ZCCHC14: variants seen among roughly 807,000 people sequenced by gnomAD.
The protein encoded by ZCCHC14 is zinc finger CCHC-type containing 14.
ZCCHC14 carries 16 observed loss-of-function variants against 85.0 expected under a neutral mutation model. The observed-to-expected ratio is 0.19, with a 90% CI of 0.13 to 0.29. ZCCHC14 has a LOEUF of 0.29. Among genes scored for constraint, ZCCHC14 ranks in the 10% least tolerant of loss-of-function variants. The probability of loss-of-function intolerance (pLI) is 1.00; values close to 1 mark genes in which losing one functional copy is unlikely to be tolerated. For synonymous variants in ZCCHC14, 775 were observed against 630.7 expected, an observed-to-expected ratio of 1.23 and a Z score of -3.43; for missense variants, 1,303 against 1,443.5, an observed-to-expected ratio of 0.90 and a Z score of 1.58.
At chr16:87,428,193 A>C (rs775525765) in intron 3 of ZCCHC14, among the ~76,000 whole-genome samples, 97 of 152,214 alleles carry the variant, frequency 6.4e-4, no homozygotes, top group Admixed American at 1.2e-3. Flanking sequence ...AGTTACTTAT[A>C]TCTTCCTATA....
At chr16:87,441,075 C>G (rs1050439838) in intron 2 of ZCCHC14, among the ~76,000 whole-genome samples, 8 of 151,470 alleles carry the variant, frequency 5.3e-5, no homozygotes, top group South Asian at 2.1e-4. Flanking sequence ...GCCATCTCGG[C>G]TCACTGCAAG....
rs750979350 is a variant in ZCCHC14, at chr16:87,417,609, G to A, written c.1234C>T (p.Arg412Trp). 3.1e-6 allele frequency: 5 copies of A among 1,614,202 alleles called. No homozygotes were observed. The highest frequency in any genetic ancestry group is 1.1e-5 in the South Asian group (1 of 91,080). Reference protein sequence around the residue: ...AGSAGSALAYRTQMDTSPAIL... With the variant: ...AGSAGSALAYWTQMDTSPAIL... ...GCAGGTGATGTGTCCATCTGGGTCCGGTAGGCCAGGGCTGAGCCCGCGCTG... is the reference window on the plus strand; with the variant it reads ...GCAGGTGATGTGTCCATCTGGGTCCAGTAGGCCAGGGCTGAGCCCGCGCTG... The change falls in exon 8 of 13, where the codon CGG (arginine) becomes TGG (tryptophan). Residue 412 changes from arginine (R) to tryptophan (W), a missense_variant. Arg to Trp is a moderately radical substitution (Grantham distance 101). Around this residue, in one of 7 missense-constraint regions of ZCCHC14, gnomAD observed 389 missense variants for 397.8 expected, o/e 0.98. Transcript: ENST00000671377.
chr16:87,449,239 G>A (rs1013962206), intron 2 of ZCCHC14, among the ~76,000 whole-genome samples: 1 of 152,188 alleles, frequency 6.6e-6, no homozygotes, highest in Non-Finnish European at 1.5e-5. Flanking sequence ...ACCTGTTGTG[G>A]TCTGTCTTTA....
At chr16:87,421,806 C>T (rs2150729558) in intron 4 of ZCCHC14, among the ~76,000 whole-genome samples, 1 of 152,278 alleles carries the variant, frequency 6.6e-6, no homozygotes, top group East Asian at 1.9e-4. Context: ...AGATGGCCTC[C>T]AGGACCCCAC....
intron 7 of ZCCHC14, among the ~76,000 whole-genome samples, chr16:87,418,466 T>C (rs1908912836): frequency 6.6e-6 from 1 of 152,186 alleles, no homozygotes. Context: ...TCAGCAAAGA[T>C]GGGAGCCTCT....
At chr16:87,449,696 T>TA (rs1371011859) in intron 2 of ZCCHC14, among the ~76,000 whole-genome samples, 3 of 152,120 alleles carry the variant, frequency 2.0e-5, no homozygotes, top group East Asian at 1.9e-4. Context: ...AAATTATGCT[T>TA]AAAAAATCAC....
chr16:87,479,221 A>AC (rs201724629), intron 1 of ZCCHC14, among the ~76,000 whole-genome samples: 2,526 of 151,940 alleles, frequency 0.017, 23 homozygotes, highest in Middle Eastern at 0.041. Flanking sequence ...GTTCAAGACA[A>AC]CCTGACCAAC....
chr16:87,430,230 C>A (rs781345284), intron 3 of ZCCHC14, among the ~76,000 whole-genome samples: 3 of 152,240 alleles, frequency 2.0e-5, no homozygotes, highest in East Asian at 1.9e-4. Context: ...GTAAGGGCAG[C>A]GGCGGGAGTC....
At chr16:87,434,017 G>A (rs910367986) in intron 2 of ZCCHC14, among the ~76,000 whole-genome samples, 3 of 152,078 alleles carry the variant, frequency 2.0e-5, no homozygotes, top group Admixed American at 2.0e-4. Flanking sequence ...AACAGTCCTG[G>A]GGGAGTCAGG....
chr16:87,415,689 T>G (rs536579300), intron 8 of ZCCHC14, among the ~76,000 whole-genome samples: 1 of 152,194 alleles, frequency 6.6e-6, no homozygotes, highest in Non-Finnish European at 1.5e-5. Context: ...CCCTCTGCTC[T>G]GTGAGTAAAT....
intron 1 of ZCCHC14, among the ~76,000 whole-genome samples, chr16:87,490,294 T>C (rs1307434272): frequency 7.9e-5 from 12 of 152,208 alleles, no homozygotes; most frequent in Non-Finnish European, 1.6e-4. Flanking sequence ...CAGCCACTCA[T>C]AAAAGCAAAG....
chr16:87,474,255 A>G (rs971993270), intron 1 of ZCCHC14: 6 of 152,352 alleles, frequency 3.9e-5, no homozygotes, highest in Non-Finnish European at 8.8e-5. Flanking sequence ...GAGCATGTAG[A>G]CAACCATTCC....
chr16:87,486,953 T>C (rs1221504520), intron 1 of ZCCHC14, among the ~76,000 whole-genome samples: 2 of 152,206 alleles, frequency 1.3e-5, no homozygotes, highest in Non-Finnish European at 2.9e-5. Context: ...TTGGCTGCAA[T>C]AGGCCCAGAG....
At position 87,433,183 on chromosome 16, in the gene ZCCHC14, T is replaced by G. The variant is rs376843242; in HGVS notation, c.713A>C (p.Asp238Ala). The G allele has an allele frequency of 1.2e-6, 2 of 1,614,104 alleles. No homozygotes were observed. The highest frequency in any genetic ancestry group is 1.7e-6 in the Non-Finnish European group (2 of 1,180,000). ...KHSKVSVEKIDLKGLSHTKND... is the reference protein window; with the variant it reads ...KHSKVSVEKIALKGLSHTKND... ...TTTTGTGTGTGATAATCCCTTCAGG[T>G]CTATCTTTTCAACACTCACTGTAAA... is the stretch of plus-strand genomic sequence containing the variant. Residue 238 changes from aspartate to alanine, a missense_variant, in exon 3 of 13, where the codon GAC becomes GCC. Coordinates refer to ENST00000671377, the MANE Select transcript of ZCCHC14 (RefSeq NM_015144.3).
chr16:87,456,532 C>CAA (rs1567531853), intron 2 of ZCCHC14, among the ~76,000 whole-genome samples: 714 of 7,826 alleles, frequency 0.091, 18 homozygotes, highest in African/African-American at 0.1. Flanking sequence ...GACTCTGTCT[C>CAA]CAAAAAAAAA....
chr16:87,406,258 A>C lies in ZCCHC14; in HGVS notation c.*4022T>G, dbSNP rs1040151247. On this transcript the variant is annotated 3_prime_UTR_variant, in exon 13 of 13. Transcript: ENST00000671377. ...TAGTGAAATAAAACAGCCTTTTTTA[A>C]AATTTTTATTTTCAGTACATTAAAT... 1 of 152,504 alleles carries C rather than the reference A, an allele frequency of 6.6e-6. No individual in the cohort carries two copies. The highest frequency in any genetic ancestry group is 1.5e-5 in the Non-Finnish European group (1 of 68,026). 9.4% of individuals were successfully genotyped at this position (152,504 alleles called of 1,614,324 possible).
At chr16:87,458,044 G>A (rs1477719981) in intron 2 of ZCCHC14, among the ~76,000 whole-genome samples, 1 of 151,822 alleles carries the variant, frequency 6.6e-6, no homozygotes, top group Admixed American at 6.6e-5. Flanking sequence ...GTCTCTCTGG[G>A]CACCAAAGCA....
chr16:87,418,484 C>T (rs545446346), intron 7 of ZCCHC14, among the ~76,000 whole-genome samples: 2 of 152,170 alleles, frequency 1.3e-5, no homozygotes, highest in Non-Finnish European at 2.9e-5. Context: ...TCTGTGTTGC[C>T]GGCATACGAC....
chr16:87,437,886 C>A (rs1243200221), intron 2 of ZCCHC14, among the ~76,000 whole-genome samples: 1 of 152,232 alleles, frequency 6.6e-6, no homozygotes. Flanking sequence ...ATGGTGATGT[C>A]CAAAGTCAGG....
Sources: gnomAD v4.1 joint callset for allele counts (sites outside exome capture counted in the v4.1 genomes callset) on GRCh38, gnomAD v4.1.1 for gene constraint, gnomAD v4.1.1 regional missense constraint, MANE v1.5 for transcripts, NCBI Gene and HGNC (gene_info 2026-07-23, HGNC 2026-07-21) for gene names.